Variants in FOXP1 observed in about 807,000 individuals in gnomAD.
FOXP1 encodes the protein forkhead box protein P1.
In FOXP1, 15 loss-of-function variants were observed where a neutral mutation model predicts 98.2. That is an observed-to-expected ratio of 0.15 (90% CI 0.10 to 0.24). FOXP1 has a LOEUF of 0.24. FOXP1 is among the 10% of genes least tolerant of loss of function. The pLI is 1.00. For missense variants in FOXP1, 633 were observed against 848.5 expected (o/e 0.75, Z 3.15); for synonymous variants, 371 against 314.5 (o/e 1.18, Z -1.90).
intron 5 of FOXP1, among the ~76,000 whole-genome samples, chr3:71,217,033 G>T (rs928661249): frequency 2.0e-5 from 3 of 152,060 alleles, no homozygotes; most frequent in African/African-American, 7.2e-5. Flanking sequence ...ACTTCTAAAA[G>T]AATTTGTTCT....
chr3:71,051,703 ACT>A (rs1481120494), intron 9 of FOXP1, among the ~76,000 whole-genome samples: 3 of 152,140 alleles, frequency 2.0e-5, no homozygotes, highest in Admixed American at 6.5e-5. Flanking sequence ...AAATTGGATA[ACT>A]CTGGAATGGG....
intron 2 of FOXP1, among the ~76,000 whole-genome samples, chr3:71,500,983 G>C (rs993267237): frequency 6.6e-6 from 1 of 152,138 alleles, no homozygotes; most frequent in African/African-American, 2.4e-5. Context: ...TCTGAGGTCA[G>C]GAATTCAAGA....
intron 3 of FOXP1, among the ~76,000 whole-genome samples, chr3:71,420,552 C>T (rs2083558937): frequency 6.6e-6 from 1 of 152,118 alleles, no homozygotes; most frequent in Non-Finnish European, 1.5e-5. Context: ...CAGATACACG[C>T]ACCTATAAAC....
intron 3 of FOXP1, among the ~76,000 whole-genome samples, chr3:71,465,381 AT>A: frequency 6.6e-6 from 1 of 152,118 alleles, no homozygotes; most frequent in African/African-American, 2.4e-5. Context: ...CATCTTCTTC[AT>A]AACAATGCTA....
At position 70,977,009 on chromosome 3, in the gene FOXP1, G is replaced by A; in HGVS notation, c.1462C>T (p.Leu488=). 2 of 1,614,084 alleles carry A rather than the reference G, an allele frequency of 1.2e-6. No homozygotes were observed. The highest frequency in any genetic ancestry group is 1.7e-6 in the Non-Finnish European group (2 of 1,179,928). ...ILESPEKQLT[L]NEIYNWFTRM... ...GTGAACCAGTTATAGATCTCATTTA[G>A]TGTTAGCTGCTTTTCTGGAGATTCG... is the stretch of plus-strand genomic sequence containing the variant. The change falls in exon 17 of 21, where the codon CTA becomes TTA. Residue 488 remains leucine, a synonymous_variant. Transcript: ENST00000649528.
intron 2 of FOXP1, among the ~76,000 whole-genome samples, chr3:71,507,784 A>G (rs965559106): frequency 3.3e-5 from 5 of 152,090 alleles, no homozygotes; most frequent in Non-Finnish European, 7.4e-5. Context: ...TCACCATGTT[A>G]GCCAGGATGG....
At chr3:70,977,414 T>TAAAC (rs542522605) in intron 16 of FOXP1, among the ~76,000 whole-genome samples, 45 of 152,342 alleles carry the variant, frequency 3.0e-4, no homozygotes, top group South Asian at 2.5e-3. Context: ...TTGCCATCTT[T>TAAAC]AAACAGGCTC....
chr3:71,351,173 G>A (rs1192525984), intron 4 of FOXP1, among the ~76,000 whole-genome samples: 1 of 152,074 alleles, frequency 6.6e-6, no homozygotes, highest in African/African-American at 2.4e-5. Context: ...ATCCAACAGG[G>A]AGCACAGCAC....
At chr3:71,460,752 C>A (rs1458500215) in intron 3 of FOXP1, among the ~76,000 whole-genome samples, 1 of 152,090 alleles carries the variant, frequency 6.6e-6, no homozygotes, top group East Asian at 1.9e-4. Context: ...TTTTTCTAAC[C>A]TAAAACAAAG....
Position 71,204,237 on chromosome 3 carries a change from T to C in FOXP1, c.-11-5845A>G, listed in dbSNP as rs143821313. On this transcript the variant is annotated intron_variant, in intron 5 of 20. Transcript: ENST00000649528. ...AAAGAAGACCAACCTGTCTATATTA[T>C]GATATAAAGCATACATTTAGTTCTG... is the stretch of plus-strand genomic sequence containing the variant. 2.5e-3 allele frequency among the ~76,000 whole-genome samples: 385 copies of C among 152,308 alleles called. 1 individual carries two copies. The highest frequency in any genetic ancestry group is 8.7e-3 in the African/African-American group (361 of 41,564).
intron 3 of FOXP1, among the ~76,000 whole-genome samples, chr3:71,403,510 G>A (rs566308886): frequency 3.7e-4 from 56 of 152,356 alleles, no homozygotes; most frequent in Admixed American, 5.2e-4. Flanking sequence ...GCATGCACGC[G>A]TGCCTCATGT....
chr3:71,152,111 G>A (rs2060601231), intron 6 of FOXP1, among the ~76,000 whole-genome samples: 1 of 152,138 alleles, frequency 6.6e-6, no homozygotes, highest in South Asian at 2.1e-4. Context: ...TTCAAAGAGG[G>A]TCGGAGGCTG....
At chr3:71,337,096 G>A (rs1263730333) in intron 4 of FOXP1, among the ~76,000 whole-genome samples, 1 of 152,158 alleles carries the variant, frequency 6.6e-6, no homozygotes, top group Non-Finnish European at 1.5e-5. Flanking sequence ...ACATGTAGGT[G>A]ATCAAATAAT....
At chr3:71,212,115 T>C (rs1178185149) in intron 5 of FOXP1, among the ~76,000 whole-genome samples, 1 of 152,168 alleles carries the variant, frequency 6.6e-6, no homozygotes, top group African/African-American at 2.4e-5. Flanking sequence ...TTAAAGATAC[T>C]AGTACCAAAT....
At chr3:71,390,190 C>T (rs977842218) in intron 3 of FOXP1, among the ~76,000 whole-genome samples, 19 of 152,182 alleles carry the variant, frequency 1.2e-4, no homozygotes, top group African/African-American at 4.6e-4. Flanking sequence ...AACGCAATGC[C>T]TTCACCTTGC....
intron 4 of FOXP1, among the ~76,000 whole-genome samples, chr3:71,309,305 C>G (rs771856943): frequency 3.9e-5 from 6 of 152,028 alleles, no homozygotes; most frequent in Non-Finnish European, 7.4e-5. Context: ...AAAAGAAAAG[C>G]TGATTCTCTC....
At chr3:71,405,885 C>T (rs1377783401) in intron 3 of FOXP1, among the ~76,000 whole-genome samples, 3 of 151,948 alleles carry the variant, frequency 2.0e-5, no homozygotes, top group African/African-American at 4.8e-5. Context: ...CCCGCCCCAA[C>T]GCCCGGCTAA....
At chr3:71,369,100 G>T (rs540130069) in intron 3 of FOXP1, among the ~76,000 whole-genome samples, 41 of 150,654 alleles carry the variant, frequency 2.7e-4, no homozygotes, top group Non-Finnish European at 5.0e-4. Flanking sequence ...TTTTTGAAAT[G>T]GAGTCTCAGC....
intron 3 of FOXP1, among the ~76,000 whole-genome samples, chr3:71,477,531 A>G (rs2089949255): frequency 6.6e-6 from 1 of 152,258 alleles, no homozygotes; most frequent in Non-Finnish European, 1.5e-5. Context: ...TGATTCAAAT[A>G]ATTACATAGG....
Sources: allele counts gnomAD v4.1 joint callset (sites outside exome capture counted in the v4.1 genomes callset), GRCh38; gene constraint gnomAD v4.1.1; transcripts MANE v1.5; gene names NCBI Gene and HGNC (gene_info 2026-07-23, HGNC 2026-07-21).